Variants in C9orf78 observed in about 807,000 individuals in gnomAD.
The protein encoded by C9orf78 is splicing factor C9orf78.
Under a neutral mutation model 37.4 loss-of-function variants are expected in C9orf78, and 19 were observed. That is an observed-to-expected ratio of 0.51 (90% CI 0.35 to 0.74). The LOEUF (loss-of-function observed/expected upper bound fraction) is 0.74. Among genes scored for constraint, C9orf78 ranks in the 30% least tolerant of loss-of-function variants. The pLI, the probability that C9orf78 is intolerant of heterozygous loss-of-function variation, is 0.01. For synonymous variants in C9orf78, 130 were observed against 128.0 expected (o/e 1.02, Z -0.10); for missense variants, 291 against 370.8 (o/e 0.78, Z 1.77).
intron 6 of C9orf78, 98 bp from the exon 7 acceptor site, chr9:129,829,639 T>C (rs935753259): frequency 9.7e-7 from 1 of 1,034,756 alleles, no homozygotes. Context: ...CATAAGAAAA[T>C]CATGTGTCCT....
rs1208582713 is a variant in C9orf78 at position 129,830,963 on chromosome 9, T to C, written c.450A>G (p.Pro150=). Residue 150 remains proline, a synonymous_variant, in exon 6 of 9, where the codon CCA becomes CCG. Transcript: ENST00000372447. ...KNAEDCLYEL[P]ENIRVSSAKK... is the part of the protein sequence containing the mutation. Reference sequence around the variant, plus strand: ...TTGCTGAGGAAACACGGATGTTTTCTGGAAGTTCATAAAGACAGTCCTCTG... The same window carrying C: ...TTGCTGAGGAAACACGGATGTTTTCCGGAAGTTCATAAAGACAGTCCTCTG... The C allele has an allele frequency of 1.9e-6, 3 of 1,613,466 alleles. No individual in the cohort carries two copies. The South Asian group carries it at 3.3e-5, about 18-fold the overall frequency.
chr9:129,828,805 A>G (rs1002993122), intron 8 of C9orf78: 1 of 333,444 alleles, frequency 3.0e-6, no homozygotes, highest in Non-Finnish European at 5.8e-6. Flanking sequence ...ATCATAGCTC[A>G]CTGCAGCCTT....
At chr9:129,831,418 C>G (rs752550960) in intron 5 of C9orf78, 7 of 284,944 alleles carry the variant, frequency 2.5e-5, no homozygotes, top group African/African-American at 1.3e-4. Flanking sequence ...CCTTTGAAAA[C>G]AAGTTTTTAT....
chr9:129,828,273 A>G, intron 8 of C9orf78, 21 bp from the exon 9 acceptor site: 1 of 1,484,482 alleles, frequency 6.7e-7, no homozygotes, highest in Non-Finnish European at 9.4e-7. Flanking sequence ...AAAGAACAGG[A>G]AAGGTGGTTT....
At chr9:129,831,176 G>A in intron 5 of C9orf78, 108 bp from the exon 6 acceptor site, 1 of 719,414 alleles carries the variant, frequency 1.4e-6, no homozygotes, top group Admixed American at 2.3e-5. Flanking sequence ...ACAGTCCATG[G>A]AGAAACGAGA....
chr9:129,828,227 A>G lies in C9orf78; in HGVS notation c.804T>C (p.Pro268=). The change falls in exon 9 of 9, where the codon CCT becomes CCC. Residue 268 remains proline, a synonymous_variant. Coordinates refer to ENST00000372447, the MANE Select transcript of C9orf78 (RefSeq NM_016520.3). ...AGTCATCAGTTGCCTTCTCGTTAGC[A>G]GGACGCTTGCGGTTAGGAGGGGACC... is the stretch of plus-strand genomic sequence containing the variant. ...PERSPPNRKR[P]ANEKATDDYH... 1 of 1,606,718 alleles carries G rather than the reference A, an allele frequency of 6.2e-7. No homozygotes were observed. Among genetic ancestry groups the G allele is most frequent in the Non-Finnish European group, 8.5e-7 (1 of 1,174,296 alleles).
intron 6 of C9orf78, 30 bp from the exon 7 acceptor site, chr9:129,829,571 G>A: frequency 6.2e-7 from 1 of 1,604,064 alleles, no homozygotes; most frequent in Non-Finnish European, 8.5e-7. Context: ...ACACCACTTA[G>A]AAGATGATAG....
At position 129,827,783 on chromosome 9, in the gene C9orf78, CT is replaced by C. The variant is rs56021512; in HGVS notation, c.*377del. On this transcript the variant is annotated 3_prime_UTR_variant, in exon 9 of 9. Coordinates refer to ENST00000372447, the MANE Select transcript of C9orf78 (RefSeq NM_016520.3). ...TGTCCTGGAAGCCATTTTTCTTTTT[CT>C]TTTTTTTTTTTTTTTTTTTTTTTGA... 760 of 112,518 alleles carry C rather than the reference CT, an allele frequency of 6.8e-3. 4 individuals are homozygous for C. The highest frequency in any genetic ancestry group is 0.019 in the African/African-American group (585 of 31,074). The allele number at this position is 112,518 out of a possible 1,614,324, so 7.0% of individuals were successfully genotyped here. A position where few individuals can be genotyped will look rare whatever the true frequency, so the allele number is the denominator to read the frequency against.
rs756126845 is a variant in C9orf78 at position 129,831,895 on chromosome 9, C to T, written c.344+1G>A. The T allele has an allele frequency of 2.9e-5, 44 of 1,522,650 alleles. No individual in the cohort carries two copies. The highest frequency in any genetic ancestry group is 4.0e-5 in the Non-Finnish European group (44 of 1,096,704). 94.3% of individuals were successfully genotyped at this position (1,522,650 alleles called of 1,614,324 possible). A position where few individuals can be genotyped will look rare whatever the true frequency, so the allele number is the denominator to read the frequency against. ...TCACAGCCAAACAGACTGACACTTA[C>T]ATGTCTGCATCCTCATCCCTTCGGT... On this transcript the variant is annotated splice_donor_variant, in intron 5 of 8. Transcript: ENST00000372447. LOFTEE classifies it high-confidence loss of function.
chr9:129,831,418 C>T (rs752550960), intron 5 of C9orf78: 2 of 285,062 alleles, frequency 7.0e-6, no homozygotes, highest in Non-Finnish European at 1.3e-5. Flanking sequence ...CCTTTGAAAA[C>T]AAGTTTTTAT....
At chr9:129,833,160 C>T (rs1037155756) in intron 4 of C9orf78, among the ~76,000 whole-genome samples, 8 of 146,820 alleles carry the variant, frequency 5.4e-5, no homozygotes, top group African/African-American at 1.0e-4. Context: ...TGGTCTTAAA[C>T]TCCTGGACTC....
intron 8 of C9orf78, chr9:129,828,535 T>C (rs1453722943): frequency 1.9e-5 from 5 of 268,166 alleles, no homozygotes; most frequent in Non-Finnish European, 3.7e-5. Flanking sequence ...GTGATTCTCC[T>C]GCCTCAGCCT....
chr9:129,835,022 GA>G, intron 1 of C9orf78, 116 bp downstream of exon 1: 1 of 893,548 alleles, frequency 1.1e-6, no homozygotes, highest in Non-Finnish European at 1.8e-6. Context: ...TGCGTCCGCA[GA>G]AGGAACCACC....
At chr9:129,832,720 T>C (rs981013234) in intron 4 of C9orf78, among the ~76,000 whole-genome samples, 1 of 152,212 alleles carries the variant, frequency 6.6e-6, no homozygotes, top group African/African-American at 2.4e-5. Context: ...ATTACAGGCA[T>C]GAGCCACCGC....
chr9:129,834,704 C>CA lies in C9orf78; in HGVS notation c.143+2dup. The CA allele has an allele frequency of 6.2e-7, 1 of 1,608,834 alleles. No individual in the cohort carries two copies. Among genetic ancestry groups the CA allele is most frequent in the Non-Finnish European group, 8.5e-7 (1 of 1,175,856 alleles). Reference sequence around the variant, plus strand: ...CTCCTCCTCCTCCCCGCGTGGTACCCACCTCACCCCGTTGGGCCTCTTCCT... The same window carrying CA: ...CTCCTCCTCCTCCCCGCGTGGTACCCAACCTCACCCCGTTGGGCCTCTTCCT... On this transcript the variant is annotated splice_region_variant and intron_variant, in intron 2 of 8. Transcript: ENST00000372447.
chr9:129,835,038 G>A, intron 1 of C9orf78, 101 bp downstream of exon 1: 2 of 969,378 alleles, frequency 2.1e-6, no homozygotes, highest in East Asian at 2.4e-5. Context: ...ACCACCACCC[G>A]AGCTCACAGT....
At chr9:129,832,135 A>T (rs1023739271) in intron 4 of C9orf78, among the ~76,000 whole-genome samples, 162 bp from the exon 5 acceptor site, 9 of 152,166 alleles carry the variant, frequency 5.9e-5, no homozygotes, top group African/African-American at 2.2e-4. Flanking sequence ...AAGAAACTCT[A>T]GAAATATATG....
chr9:129,834,946 C>G, intron 1 of C9orf78, 180 bp from the exon 2 acceptor site: 2 of 665,148 alleles, frequency 3.0e-6, no homozygotes, highest in Non-Finnish European at 5.2e-6. Context: ...CACTGCGCAT[C>G]CCGGAGGCAT....
chr9:129,834,728 C>G lies in C9orf78; in HGVS notation c.122G>C (p.Arg41Thr). ...LEETREVQNL[R>T]KRPNGVSAVA... Reference sequence around the variant, plus strand: ...CCACCTCACCCCGTTGGGCCTCTTCCTCAAGTTCTGTACCTCTCTGGTCTC... The same window carrying G: ...CCACCTCACCCCGTTGGGCCTCTTCGTCAAGTTCTGTACCTCTCTGGTCTC... The change falls in exon 2 of 9, where the codon AGG (arginine) becomes ACG (threonine). Residue 41 changes from arginine (R) to threonine (T), a missense_variant. By Grantham distance (71) the Arg-to-Thr change is moderately conservative. Transcript: ENST00000372447. 3 of 1,612,730 alleles carry G rather than the reference C, an allele frequency of 1.9e-6. No individual in the cohort carries two copies. The highest frequency in any genetic ancestry group is 2.5e-6 in the Non-Finnish European group (3 of 1,179,014).
Sources: gnomAD v4.1 joint callset for allele counts (sites outside exome capture counted in the v4.1 genomes callset) on GRCh38, gnomAD v4.1.1 for gene constraint, MANE v1.5 for transcripts, NCBI Gene and HGNC (gene_info 2026-07-23, HGNC 2026-07-21) for gene names.